Variants in GLIS1 observed in about 807,000 individuals in gnomAD.
The protein encoded by GLIS1 is zinc finger protein GLIS1.
GLIS1 carries 24 observed loss-of-function variants against 63.8 expected under a neutral mutation model. The observed-to-expected ratio is 0.38, with a 90% CI of 0.27 to 0.53. The LOEUF is 0.53. Ranked by LOEUF, GLIS1 falls within the 20% of genes least tolerant of loss-of-function variation. The probability of loss-of-function intolerance (pLI) is 0.85; values close to 1 mark genes in which losing one functional copy is unlikely to be tolerated. For synonymous variants in GLIS1, 450 were observed against 482.5 expected, an observed-to-expected ratio of 0.93 and a Z score of 0.88; for missense variants, 1,036 against 1,074.1, an observed-to-expected ratio of 0.96 and a Z score of 0.50.
At chr1:53,603,834 T>C (rs1312956828) in intron 2 of GLIS1, among the ~76,000 whole-genome samples, 1 of 152,252 alleles carries the variant, frequency 6.6e-6, no homozygotes, top group Non-Finnish European at 1.5e-5. Context: ...TGTTTACTTT[T>C]ACAAGTTAGT....
intron 4 of GLIS1, among the ~76,000 whole-genome samples, chr1:53,572,479 TCTAC>T (rs1274225127): frequency 6.6e-6 from 1 of 152,248 alleles, no homozygotes; most frequent in Non-Finnish European, 1.5e-5. Context: ...AGCTGTCCTC[TCTAC>T]CTGTTTGCCC....
At chr1:53,685,740 T>A (rs948222681) in intron 2 of GLIS1, among the ~76,000 whole-genome samples, 1 of 152,042 alleles carries the variant, frequency 6.6e-6, no homozygotes, top group South Asian at 2.1e-4. Flanking sequence ...TCCTAACCCA[T>A]CCCCTCCTCT....
At chr1:53,694,390 T>C (rs1352583514) in intron 2 of GLIS1, among the ~76,000 whole-genome samples, 1 of 152,124 alleles carries the variant, frequency 6.6e-6, no homozygotes, top group African/African-American at 2.4e-5. Flanking sequence ...ACCTCCTCAC[T>C]CCCTTTCTGC....
chr1:53,507,807 C>G (rs530761487), intron 10 of GLIS1, among the ~76,000 whole-genome samples: 64 of 152,314 alleles, frequency 4.2e-4, no homozygotes, highest in Non-Finnish European at 7.9e-4. Flanking sequence ...CCATTCAGAG[C>G]TATTCATTCT....
chr1:53,723,951 T>C (rs193255688), intron 2 of GLIS1, among the ~76,000 whole-genome samples: 71 of 152,340 alleles, frequency 4.7e-4, no homozygotes, highest in Admixed American at 4.5e-3. Context: ...GAGCTGGCTC[T>C]GGGTTACCCG....
intron 4 of GLIS1, among the ~76,000 whole-genome samples, chr1:53,562,515 C>T (rs981271989): frequency 6.6e-6 from 1 of 152,148 alleles, no homozygotes; most frequent in African/African-American, 2.4e-5. Flanking sequence ...AGACCACAGC[C>T]GAACTGGCTC....
chr1:53,696,121 C>T (rs1646462797), intron 2 of GLIS1, among the ~76,000 whole-genome samples: 1 of 152,266 alleles, frequency 6.6e-6, no homozygotes. Context: ...TTTCCCTCCC[C>T]TCAGGGAGCT....
At chr1:53,651,545 G>A (rs1309608290) in intron 2 of GLIS1, among the ~76,000 whole-genome samples, 1 of 152,124 alleles carries the variant, frequency 6.6e-6, no homozygotes, top group Non-Finnish European at 1.5e-5. Flanking sequence ...GGGTGCCAAG[G>A]GGCTGGTGAG....
chr1:53,659,025 G>A (rs546582777), intron 2 of GLIS1, among the ~76,000 whole-genome samples: 17 of 152,320 alleles, frequency 1.1e-4, no homozygotes, highest in African/African-American at 1.4e-4. Flanking sequence ...AATGCGGATC[G>A]TGGCAGGGGC....
chr1:53,586,566 T>C lies in GLIS1; in HGVS notation c.1320+7542A>G, dbSNP rs183339704. 1.5e-4 allele frequency among the ~76,000 whole-genome samples: 23 copies of C among 152,378 alleles called. No homozygotes were observed. The East Asian group carries it at 2.7e-3, about 18-fold the overall frequency. ...CTGATATACTTACTGTGTGCCATTG[T>C]CTAGTTTCTCATCAAAGCCTCACAA... is the stretch of plus-strand genomic sequence containing the variant. On this transcript the variant is annotated intron_variant, in intron 4 of 10. Coordinates refer to ENST00000628545, the MANE Select transcript of GLIS1 (RefSeq NM_001367484.1).
chr1:53,641,804 T>C (rs1169353994), intron 2 of GLIS1, among the ~76,000 whole-genome samples: 2 of 152,234 alleles, frequency 1.3e-5, no homozygotes, highest in African/African-American at 4.8e-5. Flanking sequence ...ACGGTCCATC[T>C]GTCCATCTGT....
chr1:53,663,195 C>G (rs892905356), intron 2 of GLIS1, among the ~76,000 whole-genome samples: 1 of 152,246 alleles, frequency 6.6e-6, no homozygotes, highest in Non-Finnish European at 1.5e-5. Context: ...CCCATCTGCA[C>G]ACTTGGCCTG....
intron 2 of GLIS1, among the ~76,000 whole-genome samples, chr1:53,704,607 A>G (rs1646557822): frequency 6.6e-6 from 1 of 152,146 alleles, no homozygotes; most frequent in Non-Finnish European, 1.5e-5. Flanking sequence ...TTTAGGACAG[A>G]GGGAGCTTGA....
At chr1:53,721,776 C>T (rs11579257) in intron 2 of GLIS1, among the ~76,000 whole-genome samples, 23,308 of 151,774 alleles carry the variant, frequency 0.15, 1,890 homozygotes, top group East Asian at 0.25. Flanking sequence ...ACGTGGTGAA[C>T]GACAAAAAGA....
chr1:53,663,027 G>A lies in GLIS1; in HGVS notation c.260-62749C>T, dbSNP rs187533225. Among the ~76,000 whole-genome samples the A allele has an allele frequency of 4.8e-3, 733 of 152,200 alleles. 5 individuals are homozygous for A. The highest frequency in any genetic ancestry group is 0.015 in the African/African-American group (619 of 41,528). ...CACTGGCAATCCAGAGCCCATGAAT[G>A]GCCTCTTCCATCACCCAAGCATCTG... On this transcript the variant is annotated intron_variant, in intron 2 of 10. Coordinates refer to ENST00000628545, the MANE Select transcript of GLIS1 (RefSeq NM_001367484.1).
intron 4 of GLIS1, among the ~76,000 whole-genome samples, chr1:53,558,300 C>T (rs1644853083): frequency 6.6e-6 from 1 of 152,228 alleles, no homozygotes; most frequent in Non-Finnish European, 1.5e-5. Context: ...CTTTAGTCCC[C>T]TGCTCTGCCA....
chr1:53,594,562 C>T lies in GLIS1; in HGVS notation c.866G>A (p.Gly289Glu). 3 of 1,599,538 alleles carry T rather than the reference C, an allele frequency of 1.9e-6. No individual in the cohort carries two copies. The highest frequency in any genetic ancestry group is 2.6e-6 in the Non-Finnish European group (3 of 1,169,482). The change falls in exon 4 of 11, where the codon GGG becomes GAG. Residue 289 changes from glycine to glutamate, a missense_variant. Physicochemically the swap from Gly to Glu is moderately conservative, Grantham distance 98. Coordinates refer to ENST00000628545, the MANE Select transcript of GLIS1 (RefSeq NM_001367484.1). The stretch of plus-strand genomic sequence containing the variant: ...AGGCCGGGCCCGCTTGGAAGGGCCC[C>T]CCAGATCTCCCGTCAGAGGGGGGCT... ...LRSPPLTGDLGGPSKRARPGP... is the reference protein window; with the variant it reads ...LRSPPLTGDLEGPSKRARPGP...
chr1:53,557,527 G>A (rs1644846190), intron 4 of GLIS1, among the ~76,000 whole-genome samples: 1 of 152,166 alleles, frequency 6.6e-6, no homozygotes, highest in Non-Finnish European at 1.5e-5. Flanking sequence ...TGTAGAAATG[G>A]CGGCAAGGGC....
rs1363178395 is a variant in GLIS1 at position 53,632,724 on chromosome 1, G to T, written c.260-32446C>A. Among the ~76,000 whole-genome samples the T allele has an allele frequency of 4.0e-5, 6 of 150,858 alleles. 1 individual carries two copies. Among genetic ancestry groups the T allele is most frequent in the East Asian group, 2.0e-4 (1 of 5,044 alleles). ...GGGTGTGAATGAGTGTGACTGAGGG[G>T]CATGTATATGTGTGACCGAGGGGCG... On this transcript the variant is annotated intron_variant, in intron 2 of 10. Coordinates refer to ENST00000628545, the MANE Select transcript of GLIS1 (RefSeq NM_001367484.1).
Sources: gnomAD v4.1 joint callset for allele counts (sites outside exome capture counted in the v4.1 genomes callset) on GRCh38, gnomAD v4.1.1 for gene constraint, MANE v1.5 for transcripts, NCBI Gene and HGNC (gene_info 2026-07-23, HGNC 2026-07-21) for gene names.